Variants in MAB21L3 observed in about 807,000 individuals in gnomAD.
MAB21L3 encodes mab-21 like 3.
MAB21L3 carries 36 observed loss-of-function variants against 37.7 expected under a neutral mutation model. The ratio of observed to expected loss-of-function variants is 0.96; its 90% CI spans 0.73 to 1.26. The LOEUF (loss-of-function observed/expected upper bound fraction) is 1.26. MAB21L3 is among the 50% of genes most tolerant of loss of function. The probability of loss-of-function intolerance (pLI) is 0.00; values close to 1 mark genes in which losing one functional copy is unlikely to be tolerated. For synonymous variants in MAB21L3, 186 were observed against 176.8 expected (o/e 1.05, Z -0.41); for missense variants, 430 against 447.3 (o/e 0.96, Z 0.35).
chr1:116,133,642 G>A lies in MAB21L3; in HGVS notation c.*277G>A, dbSNP rs939261631. 4.4e-5 allele frequency: 23 copies of A among 518,494 alleles called. No homozygotes were observed. Among genetic ancestry groups the A allele is most frequent in the Non-Finnish European group, 7.7e-5 (22 of 287,030 alleles). The allele number at this position is 518,494 out of a possible 1,614,324, so 32.1% of individuals were successfully genotyped here. A position where few individuals can be genotyped will look rare whatever the true frequency, so the allele number is the denominator to read the frequency against. On this transcript the variant is annotated 3_prime_UTR_variant, in exon 8 of 8. Coordinates refer to ENST00000369500, the MANE Select transcript of MAB21L3 (RefSeq NM_152367.3). ...CCCCAGGCACAGATTTGGAACTGGT[G>A]ACAGTTCTGAACTTAGTTTCCCTTG...
intron 7 of MAB21L3, among the ~76,000 whole-genome samples, chr1:116,131,545 C>T (rs531352197): frequency 6.6e-6 from 1 of 152,206 alleles, no homozygotes; most frequent in African/African-American, 2.4e-5. Flanking sequence ...GACGGAGTCT[C>T]GCTTTGTTGC....
intron 7 of MAB21L3, among the ~76,000 whole-genome samples, chr1:116,132,713 A>G (rs1184745273): frequency 6.6e-6 from 1 of 152,156 alleles, no homozygotes; most frequent in Non-Finnish European, 1.5e-5. Flanking sequence ...GTAATCAGTC[A>G]TATACAGTTC....
chr1:116,123,867 G>A (rs1659819047), intron 4 of MAB21L3, 199 bp from the exon 5 acceptor site: 1 of 556,560 alleles, frequency 1.8e-6, no homozygotes, highest in Non-Finnish European at 3.2e-6. Context: ...CTTGCCCGAA[G>A]TATTTACAAT....
chr1:116,133,551 C>A lies in MAB21L3; in HGVS notation c.*186C>A. ...GTGCCCCAGGATGTCTGGCCCAGGC[C>A]TCCCTGGAGCCCAGCAAGCATTTCT... On this transcript the variant is annotated 3_prime_UTR_variant, in exon 8 of 8. Transcript: ENST00000369500. 1 of 615,550 alleles carries A rather than the reference C, an allele frequency of 1.6e-6. No individual in the cohort carries two copies. The highest frequency in any genetic ancestry group is 2.9e-6 in the Non-Finnish European group (1 of 350,804). The allele number at this position is 615,550 out of a possible 1,614,324, so 38.1% of individuals were successfully genotyped here.
intron 7 of MAB21L3, among the ~76,000 whole-genome samples, chr1:116,128,822 A>T (rs1370771627): frequency 6.6e-6 from 1 of 152,174 alleles, no homozygotes; most frequent in Admixed American, 6.5e-5. Flanking sequence ...GGGACCAGGA[A>T]ATGCAACACA....
intron 3 of MAB21L3, among the ~76,000 whole-genome samples, chr1:116,116,645 A>C (rs1393125541): frequency 6.6e-6 from 1 of 152,104 alleles, no homozygotes. Flanking sequence ...TTCTACATCT[A>C]ACTGCCGGTG....
At chr1:116,115,433 A>G (rs1385868948) in intron 3 of MAB21L3, among the ~76,000 whole-genome samples, 1 of 152,208 alleles carries the variant, frequency 6.6e-6, no homozygotes, top group Non-Finnish European at 1.5e-5. Flanking sequence ...GACAGAGATG[A>G]TGCCAGTTTT....
Position 116,133,231 on chromosome 1 carries a change from G to A in MAB21L3, c.955G>A (p.Val319Met), listed in dbSNP as rs1219425497. The A allele has an allele frequency of 5.0e-6, 8 of 1,614,058 alleles. No individual in the cohort carries two copies. The highest frequency in any genetic ancestry group is 1.1e-5 in the South Asian group (1 of 91,090). The change falls in exon 8 of 8, where the codon GTG becomes ATG. Residue 319 changes from valine (V) to methionine (M), a missense_variant. Transcript: ENST00000369500. ...CCTGGTGAGGAAACTGCACAAGTGC[G>A]TGAGCCAGCACTTCCTGAAACACTA... ...LRLVRKLHKC[V>M]SQHFLKHYFV...
At position 116,133,210 on chromosome 1, in the gene MAB21L3, G is replaced by T. The variant is rs779220833; in HGVS notation, c.934G>T (p.Val312Leu). The change falls in exon 8 of 8, where the codon GTG becomes TTG. Residue 312 changes from valine (V) to leucine (L), a missense_variant. By Grantham distance (32) the Val-to-Leu change is conservative (BLOSUM62 1). Coordinates refer to ENST00000369500, the MANE Select transcript of MAB21L3 (RefSeq NM_152367.3). ...QVFSKAFLRL[V>L]RKLHKCVSQH... ...CTTCAGCAAAGCATTTCTGCGCCTG[G>T]TGAGGAAACTGCACAAGTGCGTGAG... is the stretch of plus-strand genomic sequence containing the variant. 1.2e-6 allele frequency: 2 copies of T among 1,614,038 alleles called. No homozygotes were observed. Among genetic ancestry groups the T allele is most frequent in the African/African-American group, 1.3e-5 (1 of 74,902 alleles).
chr1:116,112,916 G>T (rs937836742), intron 3 of MAB21L3, among the ~76,000 whole-genome samples: 2 of 152,144 alleles, frequency 1.3e-5, no homozygotes. Context: ...GAATGAGGGG[G>T]AACTCCAGCT....
intron 4 of MAB21L3, among the ~76,000 whole-genome samples, chr1:116,123,154 T>C (rs1659798236): frequency 6.6e-6 from 1 of 152,200 alleles, no homozygotes; most frequent in African/African-American, 2.4e-5. Flanking sequence ...GACATGGTCA[T>C]AGTTCAAGCT....
chr1:116,133,456 C>A lies in MAB21L3; in HGVS notation c.*91C>A. On this transcript the variant is annotated 3_prime_UTR_variant, in exon 8 of 8. Transcript: ENST00000369500. ...TCCTCAGTCAGGTGCCAGGATCCTG[C>A]CTAGGAGAAAGGCCACGAATGGCAG... is the stretch of plus-strand genomic sequence containing the variant. 8.2e-7 allele frequency: 1 copy of A among 1,215,968 alleles called. No individual in the cohort carries two copies. The highest frequency in any genetic ancestry group is 1.2e-6 in the Non-Finnish European group (1 of 849,912). 75.3% of individuals were successfully genotyped at this position (1,215,968 alleles called of 1,614,324 possible).
Position 116,136,621 on chromosome 1 carries a change from C to A in MAB21L3, c.*3256C>A, listed in dbSNP as rs1317294386. Among the ~76,000 whole-genome samples the A allele has an allele frequency of 2.0e-5, 3 of 152,240 alleles. No individual in the cohort carries two copies. The highest frequency in any genetic ancestry group is 1.3e-4 in the Admixed American group (2 of 15,288). ...ACTTTCTTCACAGAATTGGAAAAAA[C>A]TACTTTAAAGTTCATATGGAACCAA... On this transcript the variant is annotated 3_prime_UTR_variant, in exon 8 of 8. Transcript: ENST00000369500.
intron 2 of MAB21L3, among the ~76,000 whole-genome samples, 192 bp downstream of exon 2, chr1:116,112,002 A>T (rs1006847605): frequency 1.3e-5 from 2 of 152,046 alleles, no homozygotes; most frequent in African/African-American, 4.8e-5. Context: ...GGCTGACAAG[A>T]CCTGATCACT....
intron 4 of MAB21L3, 29 bp downstream of exon 4, chr1:116,121,101 C>T (rs1207281185): frequency 6.2e-7 from 1 of 1,604,074 alleles, no homozygotes; most frequent in Admixed American, 1.7e-5. Context: ...CTCTAAGTGC[C>T]ACCAACAGAG....
Position 116,127,652 on chromosome 1 carries a change from TGG to T in MAB21L3, c.660+10_660+11del, listed in dbSNP as rs756434754. On this transcript the variant is annotated intron_variant, in intron 6 of 7. Transcript: ENST00000369500. ...AGAGTGGAGTGCATCAAGGTATCAG[TGG>T]GCGGGACCCAGCTTGCCAGAGCAGT... is the stretch of plus-strand genomic sequence containing the variant. 8.7e-6 allele frequency: 14 copies of T among 1,607,288 alleles called. No homozygotes were observed. The highest frequency in any genetic ancestry group is 1.1e-5 in the Non-Finnish European group (13 of 1,176,896).
At chr1:116,121,109 G>C in intron 4 of MAB21L3, 37 bp downstream of exon 4, 1 of 1,595,164 alleles carries the variant, frequency 6.3e-7, no homozygotes, top group South Asian at 1.1e-5. Flanking sequence ...GCCACCAACA[G>C]AGCCAGGACA....
chr1:116,115,997 C>T (rs938678744), intron 3 of MAB21L3, among the ~76,000 whole-genome samples: 2 of 152,140 alleles, frequency 1.3e-5, no homozygotes, highest in East Asian at 1.9e-4. Context: ...TTGCTGGCTT[C>T]CTAAAGTTTG....
Position 116,121,016 on chromosome 1 carries a change from C to T in MAB21L3, c.133C>T (p.Gln45Ter). 6.2e-7 allele frequency: 1 copy of T among 1,614,030 alleles called. No homozygotes were observed. The highest frequency in any genetic ancestry group is 1.1e-5 in the South Asian group (1 of 91,066). ...VHHLTTNISNQDIRFQAVPYS... is the reference protein window; with the variant it reads ...VHHLTTNISN ...TCATTTGACCACAAACATCAGCAACCAAGACATTAGATTTCAAGCTGTGCC... is the reference window on the plus strand; with the variant it reads ...TCATTTGACCACAAACATCAGCAACTAAGACATTAGATTTCAAGCTGTGCC... Residue 45 changes from glutamine (Q) to a stop codon, truncating the protein, a stop_gained, in exon 4 of 8, where the codon CAA becomes TAA. Transcript: ENST00000369500. LOFTEE classifies it high-confidence loss of function.
Sources: gnomAD v4.1 joint callset for allele counts (sites outside exome capture counted in the v4.1 genomes callset) on GRCh38, gnomAD v4.1.1 for gene constraint, MANE v1.5 for transcripts, NCBI Gene and HGNC (gene_info 2026-07-23, HGNC 2026-07-21) for gene names.